The following IPO11 variants were observed in gnomAD, a reference collection of about 807,000 sequenced individuals.
IPO11 encodes importin 11.
IPO11 carries 66 observed loss-of-function variants against 143.2 expected under a neutral mutation model. The observed-to-expected ratio is 0.46, with a 90% CI of 0.38 to 0.57. The LOEUF is 0.57. Among genes scored for constraint, IPO11 ranks in the 20% least tolerant of loss-of-function variants. The pLI is 0.00. For missense variants in IPO11, 1,026 were observed against 1,141.0 expected, an observed-to-expected ratio of 0.90 and a Z score of 1.45; for synonymous variants, 385 against 377.8, an observed-to-expected ratio of 1.02 and a Z score of -0.22.
At chr5:62,577,532 T>C (rs965989425) in intron 27 of IPO11, among the ~76,000 whole-genome samples, 4 of 152,152 alleles carry the variant, frequency 2.6e-5, no homozygotes, top group African/African-American at 9.7e-5. Context: ...TTGTATATTA[T>C]TGGAAGTACT....
chr5:62,586,302 A>C (rs1744769604), intron 27 of IPO11, among the ~76,000 whole-genome samples: 1 of 152,158 alleles, frequency 6.6e-6, no homozygotes, highest in Non-Finnish European at 1.5e-5. Context: ...ATGTTATTCA[A>C]ATGCTTCTTG....
At chr5:62,520,858 G>A (rs1239883084) in intron 20 of IPO11, among the ~76,000 whole-genome samples, 2 of 152,140 alleles carry the variant, frequency 1.3e-5, no homozygotes, top group African/African-American at 4.8e-5. Context: ...TAATCCTTTG[G>A]GTGTATACCC....
At chr5:62,458,449 T>C (rs1363069023) in intron 5 of IPO11, among the ~76,000 whole-genome samples, 1 of 152,134 alleles carries the variant, frequency 6.6e-6, no homozygotes, top group Admixed American at 6.5e-5. Flanking sequence ...TACAGGTGCA[T>C]GCCGCTATGC....
At chr5:62,466,952 G>A (rs1309940935) in intron 5 of IPO11, among the ~76,000 whole-genome samples, 179 bp from the exon 6 acceptor site, 1 of 152,204 alleles carries the variant, frequency 6.6e-6, no homozygotes, top group Non-Finnish European at 1.5e-5. Flanking sequence ...AGCTGTATGT[G>A]TTACTGTGCA....
chr5:62,496,688 C>T lies in IPO11; in HGVS notation c.1590+2564C>T, dbSNP rs1741169854. On this transcript the variant is annotated intron_variant, in intron 16 of 29. Coordinates refer to ENST00000325324, the MANE Select transcript of IPO11 (RefSeq NM_016338.5). ...ACAATAGTGTACAACCATATAGAGACATGTATGTATATATATGCAAACATG... is the reference window on the plus strand; with the variant it reads ...ACAATAGTGTACAACCATATAGAGATATGTATGTATATATATGCAAACATG... 4.6e-5 allele frequency among the ~76,000 whole-genome samples: 7 copies of T among 152,158 alleles called. No homozygotes were observed. The South Asian group carries it at 1.5e-3, about 32-fold the overall frequency.
intron 2 of IPO11, among the ~76,000 whole-genome samples, chr5:62,439,501 A>G (rs1744380243): frequency 6.6e-6 from 1 of 151,486 alleles, no homozygotes. Flanking sequence ...GTTAGCCAGG[A>G]TGGTCTCAAT....
intron 6 of IPO11, among the ~76,000 whole-genome samples, chr5:62,468,484 A>G (rs185706740): frequency 2.6e-5 from 4 of 152,348 alleles, no homozygotes; most frequent in Non-Finnish European, 5.9e-5. Context: ...CCATTGTAGA[A>G]GTAGTTATAA....
chr5:62,415,299 G>A (rs1743252750), intron 1 of IPO11, among the ~76,000 whole-genome samples: 1 of 151,610 alleles, frequency 6.6e-6, no homozygotes, highest in Non-Finnish European at 1.5e-5. Flanking sequence ...GAGTAGCTAG[G>A]ATTACAGGTG....
At chr5:62,560,000 C>T (rs1192912437) in intron 26 of IPO11, among the ~76,000 whole-genome samples, 1 of 149,636 alleles carries the variant, frequency 6.7e-6, no homozygotes, top group Non-Finnish European at 1.5e-5. Context: ...TAGATGTTCA[C>T]ACTGCTACTT....
intron 9 of IPO11, among the ~76,000 whole-genome samples, chr5:62,479,961 A>T (rs1419124058): frequency 1.3e-5 from 2 of 152,120 alleles, no homozygotes; most frequent in Non-Finnish European, 2.9e-5. Flanking sequence ...CCATTTGTCA[A>T]TTTTGGCTTT....
chr5:62,429,409 TTTTAA>T (rs1042134372), intron 1 of IPO11, among the ~76,000 whole-genome samples: 3 of 152,146 alleles, frequency 2.0e-5, no homozygotes, highest in African/African-American at 7.2e-5. Context: ...ATTTTATTTA[TTTTAA>T]TTTAATTTAA....
intron 29 of IPO11, among the ~76,000 whole-genome samples, chr5:62,616,433 T>G (rs1390675918): frequency 1.3e-5 from 2 of 152,022 alleles, no homozygotes; most frequent in African/African-American, 4.8e-5. Flanking sequence ...ATCTGATCTG[T>G]GATAAAAACC....
At chr5:62,515,635 AT>A in intron 20 of IPO11, 134 bp downstream of exon 20, 2 of 580,300 alleles carry the variant, frequency 3.4e-6, no homozygotes, top group Non-Finnish European at 5.8e-6. Context: ...TTTTTTTTCC[AT>A]GTGTGATCTA....
Position 62,550,476 on chromosome 5 carries a change from T to G in IPO11, c.2346+14T>G. The G allele has an allele frequency of 6.4e-7, 1 of 1,558,758 alleles. No homozygotes were observed. Among genetic ancestry groups the G allele is most frequent in the Non-Finnish European group, 8.8e-7 (1 of 1,131,822 alleles). ...ATAGAAGGGGAGGTAAGATTTTTCT[T>G]TAAGTTCCAAAGGTAGTGTTAGACT... On this transcript the variant is annotated intron_variant, in intron 25 of 29. Transcript: ENST00000325324.
chr5:62,579,671 G>A (rs1248634500), intron 27 of IPO11: 1 of 1,546,702 alleles, frequency 6.5e-7, no homozygotes, highest in Non-Finnish European at 8.7e-7. Context: ...ATAAATGAAA[G>A]TGAATTAACA....
intron 26 of IPO11, among the ~76,000 whole-genome samples, chr5:62,560,205 A>T (rs934915074): frequency 6.6e-6 from 1 of 152,206 alleles, no homozygotes; most frequent in African/African-American, 2.4e-5. Flanking sequence ...AGGCCTTCCC[A>T]GGACTAGGGC....
At position 62,626,438 on chromosome 5, in the gene IPO11, G is replaced by T. The variant is rs541049543; in HGVS notation, c.2764-716G>T. ...TATTTAGATTTTACCAGTTTTTCCGGTAACACTCTTGGTTGCAGGATTCAA... is the reference window on the plus strand; with the variant it reads ...TATTTAGATTTTACCAGTTTTTCCGTTAACACTCTTGGTTGCAGGATTCAA... On this transcript the variant is annotated intron_variant, in intron 29 of 29. Coordinates refer to ENST00000325324, the MANE Select transcript of IPO11 (RefSeq NM_016338.5). 1.6e-4 allele frequency among the ~76,000 whole-genome samples: 25 copies of T among 152,248 alleles called. No individual in the cohort carries two copies. The South Asian group carries it at 5.2e-3, about 32-fold the overall frequency.
intron 20 of IPO11, among the ~76,000 whole-genome samples, 187 bp from the exon 21 acceptor site, chr5:62,525,954 AT>A (rs1009608010): frequency 1.3e-5 from 2 of 152,218 alleles, no homozygotes; most frequent in African/African-American, 4.8e-5. Flanking sequence ...ATTGAATAGT[AT>A]TTTTTAATTT....
intron 29 of IPO11, among the ~76,000 whole-genome samples, chr5:62,620,664 G>T (rs1461195915): frequency 1.3e-5 from 2 of 152,162 alleles, no homozygotes; most frequent in South Asian, 4.1e-4. Flanking sequence ...CAATAGAAAA[G>T]AAATGTCTGG....
Sources: allele counts gnomAD v4.1 joint callset (sites outside exome capture counted in the v4.1 genomes callset), GRCh38; gene constraint gnomAD v4.1.1; transcripts MANE v1.5; gene names NCBI Gene and HGNC (gene_info 2026-07-23, HGNC 2026-07-21).